Variants in ZCWPW2 observed in about 807,000 individuals in gnomAD.
The protein encoded by ZCWPW2 is zinc finger CW-type PWWP domain protein 2.
A neutral mutation model predicts 46.6 loss-of-function variants in ZCWPW2; 45 were observed. The ratio of observed to expected loss-of-function variants is 0.96; its 90% CI spans 0.76 to 1.24. ZCWPW2 has a LOEUF of 1.24. Ranked by LOEUF, ZCWPW2 falls within the 50% of genes most tolerant of loss-of-function variation. The pLI is 0.00. For missense variants in ZCWPW2, 429 were observed against 403.9 expected (o/e 1.06, Z -0.53); for synonymous variants, 152 against 137.1 (o/e 1.11, Z -0.76).
intron 1 of ZCWPW2, among the ~76,000 whole-genome samples, chr3:28,357,805 A>T (rs1704798974): frequency 6.8e-6 from 1 of 147,828 alleles, no homozygotes. Context: ...TTTTATATAT[A>T]TATATATATA....
In ZCWPW2 at chr3:28,413,406, G is replaced by C. The variant is rs1446989672; in HGVS notation, c.332+6G>C. The C allele has an allele frequency of 6.3e-7, 1 of 1,588,996 alleles. No homozygotes were observed. The highest frequency in any genetic ancestry group is 2.3e-5 in the East Asian group (1 of 44,426). On this transcript the variant is annotated splice_donor_region_variant and intron_variant, in intron 3 of 9. Coordinates refer to ENST00000383768, the MANE Select transcript of ZCWPW2 (RefSeq NM_001040432.4). ...AAATTACAGAATTGGCCAAGGTAAG[G>C]TTTGTGTAGTTTTATGACTTTTGAA...
intron 3 of ZCWPW2, among the ~76,000 whole-genome samples, chr3:28,414,318 T>A (rs73046752): frequency 0.067 from 10,250 of 151,928 alleles, 484 homozygotes; most frequent in Non-Finnish European, 0.1. Flanking sequence ...TTAGTCATGT[T>A]TCTTCTCTTT....
rs138986640 is a variant in ZCWPW2 at position 28,408,460 on chromosome 3, G to A, written c.-13-4596G>A. ...TGTCTAGTTTTTCTGTTTCTTTTTA[G>A]AAATTTTCTAAAGTAACTTTATTTT... is the stretch of plus-strand genomic sequence containing the variant. On this transcript the variant is annotated intron_variant, in intron 2 of 9. Coordinates refer to ENST00000383768, the MANE Select transcript of ZCWPW2 (RefSeq NM_001040432.4). 2.5e-3 allele frequency among the ~76,000 whole-genome samples: 385 copies of A among 151,972 alleles called. 1 individual carries two copies. Among genetic ancestry groups the A allele is most frequent in the African/African-American group, 8.4e-3 (349 of 41,458 alleles).
At chr3:28,518,812 T>G (rs144257467) in intron 8 of ZCWPW2, among the ~76,000 whole-genome samples, 8 of 152,262 alleles carry the variant, frequency 5.3e-5, no homozygotes, top group African/African-American at 1.9e-4. Context: ...GAATGTAAAG[T>G]AGGAAAATGT....
chr3:28,379,807 C>T lies in ZCWPW2; in HGVS notation c.-133-10691C>T, dbSNP rs148319264. Among the ~76,000 whole-genome samples the T allele has an allele frequency of 3.6e-4, 54 of 151,918 alleles. No individual in the cohort carries two copies. The East Asian group carries it at 8.5e-3, about 24-fold the overall frequency. On this transcript the variant is annotated intron_variant, in intron 1 of 9. Transcript: ENST00000383768. ...ATAGCAAAACTAGAGAATAGAAAAA[C>T]GTGACCATTTGTAGCTCAAGTAACA...
chr3:28,499,213 G>A (rs1700078370), intron 6 of ZCWPW2, among the ~76,000 whole-genome samples: 1 of 152,120 alleles, frequency 6.6e-6, no homozygotes. Context: ...AATCCTTGCG[G>A]AATCACCACA....
chr3:28,499,347 G>A (rs1362759469), intron 6 of ZCWPW2, among the ~76,000 whole-genome samples: 1 of 152,050 alleles, frequency 6.6e-6, no homozygotes, highest in Non-Finnish European at 1.5e-5. Flanking sequence ...ATTCTAACTG[G>A]TGTGAGATGG....
intron 1 of ZCWPW2, among the ~76,000 whole-genome samples, chr3:28,382,174 A>AG (rs1421402397): frequency 6.6e-6 from 1 of 151,814 alleles, no homozygotes; most frequent in Non-Finnish European, 1.5e-5. Context: ...AAAAAAAAAA[A>AG]AAAAAAAGAG....
intron 1 of ZCWPW2, among the ~76,000 whole-genome samples, chr3:28,387,931 A>T (rs1182772665): frequency 6.6e-6 from 1 of 152,174 alleles, no homozygotes; most frequent in Non-Finnish European, 1.5e-5. Flanking sequence ...TTCTACAGAG[A>T]AACAGAATCA....
Position 28,386,884 on chromosome 3 carries a change from G to A in ZCWPW2, c.-133-3614G>A, listed in dbSNP as rs1264414857. ...AGATTCATTGTTAGTCTGTTTATGA[G>A]TTCTCTGCTTACTTTAGTTTTTCTC... On this transcript the variant is annotated intron_variant, in intron 1 of 9. Transcript: ENST00000383768. Among the ~76,000 whole-genome samples, 4 of 152,208 alleles carry A rather than the reference G, an allele frequency of 2.6e-5. No homozygotes were observed. The East Asian group carries it at 7.7e-4, about 29-fold the overall frequency.
intron 1 of ZCWPW2, among the ~76,000 whole-genome samples, chr3:28,367,844 A>G (rs1177578036): frequency 6.6e-6 from 1 of 152,124 alleles, no homozygotes; most frequent in African/African-American, 2.4e-5. Context: ...TTGGCTGCAT[A>G]TATATTTAGG....
At chr3:28,457,967 A>T (rs1273344567) in intron 4 of ZCWPW2, among the ~76,000 whole-genome samples, 6 of 152,096 alleles carry the variant, frequency 3.9e-5, no homozygotes, top group Non-Finnish European at 8.8e-5. Context: ...TTGTCCTAAA[A>T]TTTTTTTCCT....
chr3:28,373,071 T>A (rs146341937), intron 1 of ZCWPW2, among the ~76,000 whole-genome samples: 2 of 152,324 alleles, frequency 1.3e-5, no homozygotes, highest in African/African-American at 4.8e-5. Flanking sequence ...TGATAGACAC[T>A]TAGGGTGATT....
chr3:28,381,065 T>A lies in ZCWPW2; in HGVS notation c.-133-9433T>A, dbSNP rs576962485. On this transcript the variant is annotated intron_variant, in intron 1 of 9. Transcript: ENST00000383768. ...TATATTTGGTGTATATATATATATA[T>A]ATATATATATATATACAGAAAAGTA... 1.6e-5 allele frequency among the ~76,000 whole-genome samples: 2 copies of A among 122,960 alleles called. 1 individual carries two copies. Among genetic ancestry groups the A allele is most frequent in the Non-Finnish European group, 3.4e-5 (2 of 59,162 alleles). The allele number at this position is 122,960 out of a possible 152,430, so 80.7% of individuals were successfully genotyped here. A position where few individuals can be genotyped will look rare whatever the true frequency, so the allele number is the denominator to read the frequency against.
At chr3:28,520,272 G>A (rs1700688556) in intron 8 of ZCWPW2, among the ~76,000 whole-genome samples, 2 of 152,078 alleles carry the variant, frequency 1.3e-5, no homozygotes, top group Admixed American at 1.3e-4. Flanking sequence ...AAAGTGCTGG[G>A]ATTACAGGCG....
intron 4 of ZCWPW2, among the ~76,000 whole-genome samples, chr3:28,453,914 G>A (rs997457466): frequency 4.7e-5 from 7 of 149,960 alleles, no homozygotes; most frequent in Admixed American, 6.7e-5. Context: ...GCGCGATCTC[G>A]GCTCACTGCA....
chr3:28,476,364 A>G (rs1156835207), intron 4 of ZCWPW2, among the ~76,000 whole-genome samples: 3 of 152,146 alleles, frequency 2.0e-5, no homozygotes, highest in East Asian at 1.9e-4. Context: ...TGAGTTCCTT[A>G]GGAGGTTTTA....
chr3:28,373,405 T>G (rs1255543218), intron 1 of ZCWPW2, among the ~76,000 whole-genome samples: 1 of 152,126 alleles, frequency 6.6e-6, no homozygotes, highest in Non-Finnish European at 1.5e-5. Flanking sequence ...TCCTGATGAT[T>G]AGTGATGTTG....
intron 4 of ZCWPW2, among the ~76,000 whole-genome samples, chr3:28,472,040 A>T (rs1338382362): frequency 6.6e-6 from 1 of 152,208 alleles, no homozygotes; most frequent in Non-Finnish European, 1.5e-5. Context: ...ATTTTTTACA[A>T]TGAAAACTGT....
Sources: allele counts gnomAD v4.1 joint callset (sites outside exome capture counted in the v4.1 genomes callset), GRCh38; gene constraint gnomAD v4.1.1; transcripts MANE v1.5; gene names NCBI Gene and HGNC (gene_info 2026-07-23, HGNC 2026-07-21).